Variants in CD163L1 observed in about 807,000 individuals in gnomAD.
CD163L1 encodes the protein CD163 molecule like 1.
Under a neutral mutation model 165.4 loss-of-function variants are expected in CD163L1, and 124 were observed. The ratio of observed to expected loss-of-function variants is 0.75; its 90% CI spans 0.65 to 0.87. The LOEUF (loss-of-function observed/expected upper bound fraction) is 0.87. CD163L1 is among the 40% of genes least tolerant of loss of function. The probability of loss-of-function intolerance (pLI) is 0.00; values close to 1 mark genes in which losing one functional copy is unlikely to be tolerated. For missense variants in CD163L1, 1,525 were observed against 1,799.9 expected, an observed-to-expected ratio of 0.85 and a Z score of 2.76; for synonymous variants, 585 against 662.2, an observed-to-expected ratio of 0.88 and a Z score of 1.79.
chr12:7,426,477 T>C (rs553205283), intron 4 of CD163L1, among the ~76,000 whole-genome samples: 165 of 151,908 alleles, frequency 1.1e-3, no homozygotes, highest in African/African-American at 3.7e-3. Flanking sequence ...AAATAAATAA[T>C]AAAAAGGACT....
chr12:7,382,863 C>T (rs1947440396), intron 8 of CD163L1, among the ~76,000 whole-genome samples: 1 of 152,192 alleles, frequency 6.6e-6, no homozygotes. Flanking sequence ...TGGAGGGCTG[C>T]AGTGGTGCCA....
chr12:7,412,923 C>A (rs1948165878), intron 4 of CD163L1, among the ~76,000 whole-genome samples: 1 of 151,494 alleles, frequency 6.6e-6, no homozygotes, highest in Admixed American at 6.6e-5. Context: ...GGTGAAACCC[C>A]GTCTCTACTA....
At chr12:7,360,964 C>CTTTGT (rs71450199) in intron 18 of CD163L1, among the ~76,000 whole-genome samples, 62,443 of 147,882 alleles carry the variant, frequency 0.42, 14,167 homozygotes, top group Non-Finnish European at 0.52. Context: ...TTTGGTTTTG[C>CTTTGT]TTTGTTTTGT....
rs1167528795 is a variant in CD163L1 at position 7,396,318 on chromosome 12, A to G, written c.1827T>C (p.Asp609=). The G allele has an allele frequency of 6.2e-7, 1 of 1,614,054 alleles. No individual in the cohort carries two copies. The highest frequency in any genetic ancestry group is 8.5e-7 in the Non-Finnish European group (1 of 1,180,034). ...YFQGRWGTVC[D]DGWNSKAAAV... ...CTGCAGCTTTACTGTTCCAGCCGTC[A>G]TCACACACTGTGCCCCACCGTCCTT... Residue 609 remains aspartate, a synonymous_variant, in exon 8 of 20, where the codon GAT becomes GAC. Transcript: ENST00000313599.
chr12:7,389,960 T>TTATATATATATATTTA (rs1555197838), intron 8 of CD163L1, among the ~76,000 whole-genome samples: 1,509 of 135,890 alleles, frequency 0.011, 41 homozygotes, highest in African/African-American at 0.04. Flanking sequence ...ATATATATAT[T>TTATATATATATATTTA]TATATATATA....
At chr12:7,373,030 T>A (rs912845002) in intron 14 of CD163L1, among the ~76,000 whole-genome samples, 2 of 152,228 alleles carry the variant, frequency 1.3e-5, no homozygotes, top group African/African-American at 4.8e-5. Flanking sequence ...TTTCATTTTT[T>A]AAAACACTGT....
intron 7 of CD163L1, among the ~76,000 whole-genome samples, chr12:7,397,546 C>G (rs957084411): frequency 1.3e-5 from 2 of 152,282 alleles, no homozygotes; most frequent in South Asian, 2.1e-4. Context: ...ACCCTAAATT[C>G]TACTGTTTCT....
intron 4 of CD163L1, among the ~76,000 whole-genome samples, chr12:7,421,570 TATAC>T (rs1948421147): frequency 1.5e-5 from 2 of 132,296 alleles, no homozygotes; most frequent in East Asian, 2.1e-4. Context: ...TATGTACATA[TATAC>T]ATGTACATAT....
rs1481882267 is a variant in CD163L1, at chr12:7,421,071, ATACG to A, written c.766+11341_766+11344del. Among the ~76,000 whole-genome samples the A allele has an allele frequency of 5.4e-3, 598 of 110,826 alleles. 3 individuals are homozygous for A. Among genetic ancestry groups the A allele is most frequent in the Non-Finnish European group, 7.9e-3 (471 of 59,838 alleles). The allele number at this position is 110,826 out of a possible 152,430, so 72.7% of individuals were successfully genotyped here. A position where few individuals can be genotyped will look rare whatever the true frequency, so the allele number is the denominator to read the frequency against. ...TATGTATATACGTATATATGTATAT[ATACG>A]TATATATATACGTATATATATGTAT... On this transcript the variant is annotated intron_variant, in intron 4 of 19. Transcript: ENST00000313599.
chr12:7,328,407 A>G, the CD163L1 span: 4 of 1,471,784 alleles, frequency 2.7e-6, no homozygotes, highest in Non-Finnish European at 3.7e-6. Context: ...AAGCAGTAAT[A>G]TGGTTGCTTT....
At chr12:7,427,692 G>A (rs377706071) in intron 4 of CD163L1, among the ~76,000 whole-genome samples, 3 of 152,020 alleles carry the variant, frequency 2.0e-5, no homozygotes, top group African/African-American at 7.2e-5. Context: ...ATAAAGGCAG[G>A]TCAGATAGCA....
At chr12:7,356,546 T>TA (rs1222976555) in intron 19 of CD163L1, among the ~76,000 whole-genome samples, 6 of 152,138 alleles carry the variant, frequency 3.9e-5, no homozygotes, top group Admixed American at 3.9e-4. Context: ...TTTATTCCCA[T>TA]AAAAAATTTA....
intron 4 of CD163L1, among the ~76,000 whole-genome samples, chr12:7,408,420 G>A (rs1948071958): frequency 6.6e-6 from 1 of 152,000 alleles, no homozygotes; most frequent in Non-Finnish European, 1.5e-5. Context: ...CTAGATTCAA[G>A]AAATAGAATG....
intron 8 of CD163L1, among the ~76,000 whole-genome samples, chr12:7,391,445 C>A (rs945784805): frequency 2.0e-5 from 3 of 152,082 alleles, no homozygotes; most frequent in African/African-American, 7.2e-5. Flanking sequence ...CATGTTCTAA[C>A]CCATGGCAAG....
Position 7,421,359 on chromosome 12 carries a change from G to GTA in CD163L1, c.766+11055_766+11056dup, listed in dbSNP as rs768118738. The stretch of plus-strand genomic sequence containing the variant: ...ATATCTTCCAAATGTATATATATGT[G>GTA]TATATATGTATATATACATTTGGAA... On this transcript the variant is annotated intron_variant, in intron 4 of 19. Transcript: ENST00000313599. Among the ~76,000 whole-genome samples the GTA allele has an allele frequency of 4.9e-3, 462 of 95,094 alleles. 48 individuals carry two copies. Among genetic ancestry groups the GTA allele is most frequent in the African/African-American group, 0.018 (429 of 23,256 alleles). 62.4% of individuals were successfully genotyped at this position (95,094 alleles called of 152,430 possible).
chr12:7,370,949 GT>G (rs1947133189), intron 14 of CD163L1, among the ~76,000 whole-genome samples: 1 of 152,104 alleles, frequency 6.6e-6, no homozygotes, highest in South Asian at 2.1e-4. Context: ...TAATTCCCAC[GT>G]GTTGTGGGGG....
At chr12:7,323,878 A>T in the CD163L1 span, among the ~76,000 whole-genome samples, 1 of 152,126 alleles carries the variant, frequency 6.6e-6, no homozygotes, top group Non-Finnish European at 1.5e-5. Context: ...ACTATCTTTT[A>T]AAAAAATTTA....
rs1482049950 is a variant in CD163L1, at chr12:7,421,584, TATAC to T, written c.766+10828_766+10831del. Among the ~76,000 whole-genome samples, 553 of 119,006 alleles carry T rather than the reference TATAC, an allele frequency of 4.6e-3. 3 individuals are homozygous for T. Among genetic ancestry groups the T allele is most frequent in the African/African-American group, 0.02 (529 of 26,668 alleles). 78.1% of individuals were successfully genotyped at this position (119,006 alleles called of 152,430 possible). On this transcript the variant is annotated intron_variant, in intron 4 of 19. Coordinates refer to ENST00000313599, the MANE Select transcript of CD163L1 (RefSeq NM_174941.6). ...ATATGTACATATATACATGTACATATATACATATACATATATGTACACATATACA... is the reference window on the plus strand; with the variant it reads ...ATATGTACATATATACATGTACATATATATACATATATGTACACATATACA...
chr12:7,339,548 T>C, the CD163L1 span, among the ~76,000 whole-genome samples: 1 of 152,144 alleles, frequency 6.6e-6, no homozygotes, highest in Admixed American at 6.6e-5. Context: ...TCTAGTCAGT[T>C]CCACAGTCTA....
Sources: allele counts gnomAD v4.1 joint callset (sites outside exome capture counted in the v4.1 genomes callset), GRCh38; gene constraint gnomAD v4.1.1; transcripts MANE v1.5; gene names NCBI Gene and HGNC (gene_info 2026-07-23, HGNC 2026-07-21).